The following KIF13A variants were observed in gnomAD, a reference collection of about 807,000 sequenced individuals.
KIF13A encodes the protein kinesin family member 13A, also known as kinesin-like protein KIF13A.
KIF13A carries 79 observed loss-of-function variants against 212.2 expected under a neutral mutation model. That is an observed-to-expected ratio of 0.37 (90% CI 0.31 to 0.45). KIF13A has a LOEUF of 0.45. KIF13A is among the 20% of genes least tolerant of loss of function. The probability of loss-of-function intolerance (pLI) is 1.00; values close to 1 mark genes in which losing one functional copy is unlikely to be tolerated. For missense variants in KIF13A, 1,901 were observed against 2,209.0 expected (o/e 0.86, Z 2.79); for synonymous variants, 789 against 808.6 (o/e 0.98, Z 0.41).
chr6:17,867,626 G>A (rs1769539529), intron 4 of KIF13A, among the ~76,000 whole-genome samples: 1 of 152,180 alleles, frequency 6.6e-6, no homozygotes, highest in African/African-American at 2.4e-5. Context: ...CAGAATTTGA[G>A]CACAAGAAGT....
intron 2 of KIF13A, among the ~76,000 whole-genome samples, chr6:17,945,958 G>A (rs1231852713): frequency 1.3e-5 from 2 of 152,098 alleles, no homozygotes; most frequent in East Asian, 1.9e-4. Context: ...CAGGATAATA[G>A]GTTATCTTGA....
chr6:17,805,369 C>T, intron 19 of KIF13A, 106 bp downstream of exon 19: 2 of 657,640 alleles, frequency 3.0e-6, no homozygotes, highest in Non-Finnish European at 2.3e-6. Context: ...GAGCACATCT[C>T]CGTGTGTGTG....
chr6:17,836,247 C>T (rs573536534), intron 11 of KIF13A, among the ~76,000 whole-genome samples: 9 of 152,272 alleles, frequency 5.9e-5, no homozygotes, highest in East Asian at 1.9e-4. Flanking sequence ...TTGATCACGC[C>T]GTTTCCACAG....
In KIF13A at chr6:17,888,316, C is replaced by T. The variant is rs184802320; in HGVS notation, c.159+9852G>A. Among the ~76,000 whole-genome samples the T allele has an allele frequency of 1.3e-5, 2 of 152,160 alleles. No individual in the cohort carries two copies. Among genetic ancestry groups the T allele is most frequent in the Admixed American group, 1.3e-4 (2 of 15,278 alleles). On this transcript the variant is annotated intron_variant, in intron 3 of 38. Transcript: ENST00000259711. The surrounding 1 kb of genome is among the most constrained non-coding windows in gnomAD (Gnocchi z 4.8). ...AGGTTATGCTGTCATTGAGTTCATG[C>T]AGCTGCAACACTCCTGGACCCAGAT...
intron 2 of KIF13A, among the ~76,000 whole-genome samples, chr6:17,975,000 G>A (rs1222243789): frequency 6.6e-6 from 1 of 152,146 alleles, no homozygotes; most frequent in East Asian, 1.9e-4. Flanking sequence ...AGTTCTCAAA[G>A]CTTGGTCCCA....
chr6:17,933,485 C>G (rs1305488497), intron 2 of KIF13A, among the ~76,000 whole-genome samples: 1 of 145,882 alleles, frequency 6.9e-6, no homozygotes, highest in African/African-American at 2.5e-5. Flanking sequence ...CTCAAGTGAT[C>G]CTTCTGCCTT....
rs183471690 is a variant in KIF13A, at chr6:17,926,384, C to G, written c.147-28204G>C. 3.9e-3 allele frequency among the ~76,000 whole-genome samples: 596 copies of G among 152,248 alleles called. 4 individuals carry two copies. The highest frequency in any genetic ancestry group is 5.9e-3 in the Non-Finnish European group (399 of 68,016). On this transcript the variant is annotated intron_variant, in intron 2 of 38. Transcript: ENST00000259711. The surrounding 1 kb of genome is among the most constrained non-coding windows in gnomAD (Gnocchi z 4.3). ...AGTAGCTGGGATAACAGGCACGCAC[C>G]ACCACACCCGGCTAATTTTTGTATT...
chr6:17,939,901 G>A (rs1435159664), intron 2 of KIF13A, among the ~76,000 whole-genome samples: 1 of 151,968 alleles, frequency 6.6e-6, no homozygotes, highest in African/African-American at 2.4e-5. Context: ...TTAGCTGGGC[G>A]TGGTGGCGGG....
At chr6:17,782,414 G>C (rs998088664) in intron 29 of KIF13A, among the ~76,000 whole-genome samples, 1 of 151,716 alleles carries the variant, frequency 6.6e-6, no homozygotes, top group Non-Finnish European at 1.5e-5. Flanking sequence ...GAGCTGGGTG[G>C]ATCACGAGGT....
At chr6:17,788,296 T>A (rs1235876237) in intron 26 of KIF13A, among the ~76,000 whole-genome samples, 1 of 152,200 alleles carries the variant, frequency 6.6e-6, no homozygotes, top group Non-Finnish European at 1.5e-5. Context: ...CATAGCTCCA[T>A]AGTTCAGTGG....
At chr6:17,955,294 G>A (rs1467760421) in intron 2 of KIF13A, among the ~76,000 whole-genome samples, 1 of 150,326 alleles carries the variant, frequency 6.7e-6, no homozygotes, top group Non-Finnish European at 1.5e-5. Flanking sequence ...AAGAACCTGG[G>A]TTTCTACCTG....
intron 2 of KIF13A, among the ~76,000 whole-genome samples, chr6:17,975,181 T>A (rs143168669): frequency 6.6e-6 from 1 of 152,062 alleles, no homozygotes; most frequent in Admixed American, 6.5e-5. Context: ...CTATCTCTAC[T>A]AAAAATAAAA....
At chr6:17,765,481 G>A (rs912604069) in intron 38 of KIF13A, among the ~76,000 whole-genome samples, 2 of 152,008 alleles carry the variant, frequency 1.3e-5, no homozygotes, top group South Asian at 2.1e-4. Flanking sequence ...ACTGCAAAAG[G>A]GCAAAAAACA....
chr6:17,897,885 A>G lies in KIF13A; in HGVS notation c.159+283T>C, dbSNP rs1772704638. Among the ~76,000 whole-genome samples, 1 of 152,152 alleles carries G rather than the reference A, an allele frequency of 6.6e-6. No individual in the cohort carries two copies. The highest frequency in any genetic ancestry group is 2.1e-4 in the South Asian group (1 of 4,832). ...ATGCTATTTCATCTCTCTGAGTCTC[A>G]TTTCATCATCAAGAAAATAGAAACA... On this transcript the variant is annotated intron_variant, in intron 3 of 38. Transcript: ENST00000259711. This position sits in a 1 kb window ranked among gnomAD's most constrained non-coding sequence, Gnocchi z 4.8.
At chr6:17,920,925 T>C (rs959050990) in intron 2 of KIF13A, among the ~76,000 whole-genome samples, 36 of 151,050 alleles carry the variant, frequency 2.4e-4, no homozygotes, top group African/African-American at 1.2e-4. Context: ...ACATTGTAAA[T>C]TGAAAGTGAA....
At chr6:17,874,955 T>C (rs1302416725) in intron 3 of KIF13A, among the ~76,000 whole-genome samples, 3 of 143,132 alleles carry the variant, frequency 2.1e-5, no homozygotes, top group African/African-American at 7.9e-5. Flanking sequence ...TTCATTCCTT[T>C]TTATGGCTAA....
rs1760977785 is a variant in KIF13A at position 17,785,483 on chromosome 6, C to T, written c.3488+32G>A. 6.7e-7 allele frequency: 1 copy of T among 1,500,404 alleles called. No homozygotes were observed. Among genetic ancestry groups the T allele is most frequent in the African/African-American group, 1.4e-5 (1 of 71,066 alleles). 92.9% of individuals were successfully genotyped at this position (1,500,404 alleles called of 1,614,324 possible). A position where few individuals can be genotyped will look rare whatever the true frequency, so the allele number is the denominator to read the frequency against. On this transcript the variant is annotated intron_variant, in intron 28 of 38. Transcript: ENST00000259711. The surrounding 1 kb of genome is among the most constrained non-coding windows in gnomAD (Gnocchi z 5.8). The stretch of plus-strand genomic sequence containing the variant: ...GCCACAGGCGACCTGTACCATCTCC[C>T]CAGGTCTGCACAGAAGGGAGGGCAG...
At chr6:17,975,560 C>A (rs1017416496) in intron 2 of KIF13A, among the ~76,000 whole-genome samples, 1 of 152,160 alleles carries the variant, frequency 6.6e-6, no homozygotes, top group Non-Finnish European at 1.5e-5. Context: ...AAAAAAGCTT[C>A]CAGTACAGAA....
chr6:17,818,476 A>C (rs1181116661), intron 16 of KIF13A, among the ~76,000 whole-genome samples: 4 of 152,232 alleles, frequency 2.6e-5, no homozygotes, highest in Non-Finnish European at 5.9e-5. Context: ...CAAAAAATAA[A>C]GTTAAATAAT....
Sources: gnomAD v4.1 joint callset for allele counts (sites outside exome capture counted in the v4.1 genomes callset) on GRCh38, gnomAD v4.1.1 for gene constraint, Gnocchi (gnomAD v3.1) non-coding constraint, MANE v1.5 for transcripts, NCBI Gene and HGNC (gene_info 2026-07-23, HGNC 2026-07-21) for gene names.